TMEM132C: variants seen among roughly 807,000 people sequenced by gnomAD.
The protein encoded by TMEM132C is protein phosphatase 1, regulatory subunit 152.
Under a neutral mutation model 61.4 loss-of-function variants are expected in TMEM132C, and 29 were observed. That is an observed-to-expected ratio of 0.47 (90% CI 0.35 to 0.64). The LOEUF (loss-of-function observed/expected upper bound fraction) is 0.64, where lower values mean the gene tolerates loss of function less well. TMEM132C is among the 30% of genes least tolerant of loss of function. TMEM132C has a pLI of 0.00. For missense variants in TMEM132C, 1,408 were observed against 1,476.9 expected (o/e 0.95, Z 0.76); for synonymous variants, 656 against 633.1 (o/e 1.04, Z -0.54).
chr12:128,415,458 C>T lies in TMEM132C; in HGVS notation c.812C>T (p.Thr271Ile). The change falls in exon 2 of 9, where the codon ACC becomes ATC. Residue 271 changes from threonine to isoleucine, a missense_variant. Thr to Ile is a moderately conservative substitution (Grantham distance 89). Transcript: ENST00000435159. The surrounding 1 kb of genome is among the most constrained non-coding windows in gnomAD (Gnocchi z 5.8). Reference sequence around the variant, plus strand: ...ACGTCCCACCTGCAGAGGATCGGCACCGTCGGCCTTTACCGGGCCCAGGAC... The same window carrying T: ...ACGTCCCACCTGCAGAGGATCGGCATCGTCGGCCTTTACCGGGCCCAGGAC... Reference protein sequence around the residue: ...ETTSHLQRIGTVGLYRAQDSA... With the variant: ...ETTSHLQRIGIVGLYRAQDSA... 6.4e-7 allele frequency: 1 copy of T among 1,551,702 alleles called. No individual in the cohort carries two copies. Among genetic ancestry groups the T allele is most frequent in the Non-Finnish European group, 8.7e-7 (1 of 1,146,996 alleles).
At chr12:128,532,125 C>T (rs575735204) in intron 2 of TMEM132C, among the ~76,000 whole-genome samples, 134 of 152,300 alleles carry the variant, frequency 8.8e-4, no homozygotes, top group African/African-American at 2.8e-3. Flanking sequence ...CAGTGTTGCA[C>T]GCATGCTAGC....
At chr12:128,277,783 G>A (rs1274312878) in intron 1 of TMEM132C, among the ~76,000 whole-genome samples, 2 of 152,232 alleles carry the variant, frequency 1.3e-5, no homozygotes, top group African/African-American at 2.4e-5. Flanking sequence ...CACATGGGAG[G>A]TCAGCTCGTT....
At chr12:128,357,915 G>A (rs150714962) in intron 1 of TMEM132C, among the ~76,000 whole-genome samples, 3 of 151,642 alleles carry the variant, frequency 2.0e-5, no homozygotes, top group African/African-American at 7.3e-5. Flanking sequence ...CTCCAGTTCT[G>A]CTTGTAGAAT....
intron 4 of TMEM132C, among the ~76,000 whole-genome samples, chr12:128,635,747 C>A (rs1219853602): frequency 2.0e-5 from 3 of 152,080 alleles, no homozygotes; most frequent in African/African-American, 7.2e-5. Context: ...TATTTCTGAA[C>A]CTAAAGAGAA....
chr12:128,416,773 C>G (rs1868793770), intron 2 of TMEM132C, among the ~76,000 whole-genome samples: 1 of 152,164 alleles, frequency 6.6e-6, no homozygotes, highest in Non-Finnish European at 1.5e-5. Flanking sequence ...GTCATGATCT[C>G]TATAGTTTTT....
intron 2 of TMEM132C, among the ~76,000 whole-genome samples, chr12:128,542,638 G>A (rs898082069): frequency 2.6e-5 from 4 of 152,100 alleles, no homozygotes; most frequent in Non-Finnish European, 4.4e-5. Context: ...AAGGCGGGTG[G>A]ATCACAAGGT....
At chr12:128,362,744 A>C (rs1873744533) in intron 1 of TMEM132C, among the ~76,000 whole-genome samples, 1 of 152,228 alleles carries the variant, frequency 6.6e-6, no homozygotes, top group South Asian at 2.1e-4. Context: ...TTCAGATTTT[A>C]GACTTTTCAG....
At chr12:128,677,581 A>G (rs1954601393) in intron 5 of TMEM132C, among the ~76,000 whole-genome samples, 1 of 151,972 alleles carries the variant, frequency 6.6e-6, no homozygotes, top group African/African-American at 2.4e-5. Flanking sequence ...TCCTATTTGG[A>G]CAGCACCCTA....
rs564816040 is a variant in TMEM132C at position 128,506,991 on chromosome 12, A to G, written c.975-36966A>G. 5.7e-4 allele frequency among the ~76,000 whole-genome samples: 87 copies of G among 152,138 alleles called. 1 individual carries two copies. The highest frequency in any genetic ancestry group is 1.9e-3 in the African/African-American group (80 of 41,514). On this transcript the variant is annotated intron_variant, in intron 2 of 8. Transcript: ENST00000435159. ...GCCACTTTTCCTACCACCCCAGGAG[A>G]GCATACCCTGAAAAGGAAGCCCACA...
At chr12:128,524,955 C>G (rs569436226) in intron 2 of TMEM132C, among the ~76,000 whole-genome samples, 1 of 152,268 alleles carries the variant, frequency 6.6e-6, no homozygotes, top group East Asian at 1.9e-4. Context: ...ACTCTCCTTC[C>G]CTAGTCACTG....
intron 3 of TMEM132C, among the ~76,000 whole-genome samples, chr12:128,598,654 T>C (rs1876054750): frequency 1.3e-5 from 2 of 152,010 alleles, no homozygotes; most frequent in Admixed American, 1.3e-4. Context: ...CCCTGCCTGT[T>C]CCTCCTGGCT....
chr12:128,439,742 G>A (rs1869719340), intron 2 of TMEM132C, among the ~76,000 whole-genome samples: 1 of 152,126 alleles, frequency 6.6e-6, no homozygotes, highest in African/African-American at 2.4e-5. Flanking sequence ...GTAGCTGACT[G>A]TAGTGGGGAG....
chr12:128,397,662 G>T (rs758047289), intron 1 of TMEM132C, among the ~76,000 whole-genome samples: 2 of 152,172 alleles, frequency 1.3e-5, no homozygotes. Flanking sequence ...GGGTCCCAAT[G>T]CTTTTCTCTT....
intron 2 of TMEM132C, among the ~76,000 whole-genome samples, chr12:128,502,170 C>T (rs1406756950): frequency 6.6e-6 from 1 of 152,212 alleles, no homozygotes; most frequent in Non-Finnish European, 1.5e-5. Context: ...AACCATGGGT[C>T]CACCCAAGTC....
intron 3 of TMEM132C, among the ~76,000 whole-genome samples, chr12:128,581,144 G>T (rs1214373672): frequency 2.0e-5 from 3 of 152,204 alleles, no homozygotes; most frequent in Non-Finnish European, 4.4e-5. Context: ...GTTTGCACCA[G>T]ATCAGGGAGC....
At chr12:128,580,978 G>A (rs894374245) in intron 3 of TMEM132C, among the ~76,000 whole-genome samples, 1 of 152,112 alleles carries the variant, frequency 6.6e-6, no homozygotes, top group Non-Finnish European at 1.5e-5. Context: ...TTGTGACAAT[G>A]AAAAATGTCC....
At chr12:128,427,204 A>C (rs548824392) in intron 2 of TMEM132C, among the ~76,000 whole-genome samples, 1 of 152,294 alleles carries the variant, frequency 6.6e-6, no homozygotes, top group East Asian at 1.9e-4. Context: ...AACTGAATTA[A>C]AATCTTGGAT....
At chr12:128,555,014 T>G (rs1226063669) in intron 3 of TMEM132C, among the ~76,000 whole-genome samples, 1 of 152,004 alleles carries the variant, frequency 6.6e-6, no homozygotes, top group Non-Finnish European at 1.5e-5. Context: ...TTCTTCCCCC[T>G]CCCTGGAACA....
intron 4 of TMEM132C, among the ~76,000 whole-genome samples, chr12:128,620,232 C>CAAGA (rs1953950527): frequency 1.6e-5 from 1 of 61,994 alleles, no homozygotes; most frequent in Non-Finnish European, 3.2e-5. Context: ...GACCCTGTCT[C>CAAGA]AAAAAAAAAA....
Sources: allele counts gnomAD v4.1 joint callset (sites outside exome capture counted in the v4.1 genomes callset), GRCh38; gene constraint gnomAD v4.1.1; non-coding constraint Gnocchi (gnomAD v3.1); transcripts MANE v1.5; gene names NCBI Gene and HGNC (gene_info 2026-07-23, HGNC 2026-07-21).